The following ADAMTS12 variants were observed in gnomAD, a reference collection of about 807,000 sequenced individuals.
ADAMTS12 encodes the protein ADAM metallopeptidase with thrombospondin type 1 motif 12.
In ADAMTS12, 118 loss-of-function variants were observed where a neutral mutation model predicts 167.8. That is an observed-to-expected ratio of 0.70 (90% CI 0.61 to 0.82). The LOEUF is 0.82. Among genes scored for constraint, ADAMTS12 ranks in the 40% least tolerant of loss-of-function variants. ADAMTS12 has a pLI of 0.00. For missense variants in ADAMTS12, 1,916 were observed against 1,998.8 expected (o/e 0.96, Z 0.79); for synonymous variants, 704 against 716.9 (o/e 0.98, Z 0.29).
intron 2 of ADAMTS12, among the ~76,000 whole-genome samples, chr5:33,849,782 T>C (rs1374547199): frequency 2.0e-5 from 3 of 150,118 alleles, no homozygotes; most frequent in Non-Finnish European, 3.0e-5. Context: ...CATAGCAATA[T>C]ATAGTATCTA....
chr5:33,620,113 G>T (rs753952852), intron 14 of ADAMTS12, among the ~76,000 whole-genome samples: 2 of 152,210 alleles, frequency 1.3e-5, no homozygotes, highest in African/African-American at 2.4e-5. Context: ...AAAAGTGCAA[G>T]GTCTTTGTAC....
chr5:33,701,419 C>T (rs1301504863), intron 3 of ADAMTS12, among the ~76,000 whole-genome samples: 1 of 152,172 alleles, frequency 6.6e-6, no homozygotes, highest in African/African-American at 2.4e-5. Flanking sequence ...CTGCACTCAT[C>T]ATAGACTGCC....
At chr5:33,687,823 C>T (rs1742391206) in intron 3 of ADAMTS12, among the ~76,000 whole-genome samples, 1 of 152,016 alleles carries the variant, frequency 6.6e-6, no homozygotes, top group African/African-American at 2.4e-5. Flanking sequence ...AAGAAACCAG[C>T]CCTACACATT....
chr5:33,869,371 G>T (rs1470059006), intron 2 of ADAMTS12, among the ~76,000 whole-genome samples: 1 of 152,098 alleles, frequency 6.6e-6, no homozygotes, highest in Non-Finnish European at 1.5e-5. Context: ...GTATGAAAAT[G>T]CCTGGATGTC....
chr5:33,676,697 C>CACAG (rs1741919600), intron 5 of ADAMTS12, among the ~76,000 whole-genome samples: 1 of 150,152 alleles, frequency 6.7e-6, no homozygotes, highest in Non-Finnish European at 1.5e-5. Flanking sequence ...CACACACACA[C>CACAG]ACACACACAC....
At chr5:33,740,473 G>A (rs1744527318) in intron 3 of ADAMTS12, among the ~76,000 whole-genome samples, 1 of 152,188 alleles carries the variant, frequency 6.6e-6, no homozygotes, top group Non-Finnish European at 1.5e-5. Context: ...CACCACAGAT[G>A]GGTGGTTCCC....
chr5:33,848,330 T>C (rs925082950), intron 2 of ADAMTS12, among the ~76,000 whole-genome samples: 3 of 151,922 alleles, frequency 2.0e-5, no homozygotes, highest in African/African-American at 7.3e-5. Flanking sequence ...GAAGTGCCAG[T>C]TGTCACCCAA....
At chr5:33,854,066 C>A (rs1164539317) in intron 2 of ADAMTS12, among the ~76,000 whole-genome samples, 1 of 152,198 alleles carries the variant, frequency 6.6e-6, no homozygotes, top group African/African-American at 2.4e-5. Flanking sequence ...CAAGCCTCCA[C>A]ATGGGTTGTC....
chr5:33,821,451 T>C (rs1460248269), intron 2 of ADAMTS12, among the ~76,000 whole-genome samples: 1 of 152,162 alleles, frequency 6.6e-6, no homozygotes. Flanking sequence ...GTTGTAATCA[T>C]CCCAGTCACT....
intron 13 of ADAMTS12, among the ~76,000 whole-genome samples, chr5:33,626,376 GGGGGTGA>G (rs1739601970): frequency 6.6e-6 from 1 of 150,660 alleles, no homozygotes; most frequent in African/African-American, 2.5e-5. Flanking sequence ...TGGTGGTGAT[GGGGGTGA>G]TGGTAGTGGT....
At chr5:33,685,499 G>A (rs1742290800) in intron 3 of ADAMTS12, among the ~76,000 whole-genome samples, 1 of 152,162 alleles carries the variant, frequency 6.6e-6, no homozygotes, top group Admixed American at 6.5e-5. Context: ...TGATTTGTGT[G>A]TAACCCTTCC....
At chr5:33,613,371 C>T (rs762213430) in intron 16 of ADAMTS12, among the ~76,000 whole-genome samples, 6 of 152,232 alleles carry the variant, frequency 3.9e-5, no homozygotes, top group African/African-American at 9.6e-5. Flanking sequence ...TCATCCAGCA[C>T]TGCAGCAGAG....
chr5:33,873,986 A>C (rs1167998785), intron 2 of ADAMTS12, among the ~76,000 whole-genome samples: 1 of 152,218 alleles, frequency 6.6e-6, no homozygotes, highest in Non-Finnish European at 1.5e-5. Context: ...GAGATAATAC[A>C]GGAGAAAAAT....
intron 17 of ADAMTS12, among the ~76,000 whole-genome samples, chr5:33,594,707 A>G (rs1256662018): frequency 6.6e-6 from 1 of 152,172 alleles, no homozygotes; most frequent in African/African-American, 2.4e-5. Flanking sequence ...TCCTGCTTCA[A>G]TAGTGGTGGG....
chr5:33,881,566 T>C (rs74696699), intron 1 of ADAMTS12, 86 bp from the exon 2 acceptor site: 2 of 1,236,036 alleles, frequency 1.6e-6, no homozygotes, highest in Non-Finnish European at 2.2e-6. Flanking sequence ...AATGCTAGCT[T>C]TTTTTTTTTT....
In ADAMTS12 at chr5:33,564,819, C is replaced by T. The variant is rs999055606; in HGVS notation, c.3973-3640G>A. ...TGTTGTAACAAACAAAAGCATCCTCCTTCATCTGTAAATTCCTCCTACCAT... is the reference window on the plus strand; with the variant it reads ...TGTTGTAACAAACAAAAGCATCCTCTTTCATCTGTAAATTCCTCCTACCAT... On this transcript the variant is annotated intron_variant, in intron 19 of 23. Transcript: ENST00000504830. Among the ~76,000 whole-genome samples, 5 of 152,232 alleles carry T rather than the reference C, an allele frequency of 3.3e-5. 1 individual carries two copies. The highest frequency in any genetic ancestry group is 1.2e-4 in the African/African-American group (5 of 41,460).
chr5:33,620,884 G>A (rs968337750), intron 14 of ADAMTS12, among the ~76,000 whole-genome samples: 4 of 152,072 alleles, frequency 2.6e-5, no homozygotes, highest in Non-Finnish European at 5.9e-5. Context: ...ATACTAAGTG[G>A]ACTCATTTGG....
Position 33,576,175 on chromosome 5 carries a change from A to G in ADAMTS12, c.3851T>C (p.Val1284Ala). 6.2e-7 allele frequency: 1 copy of G among 1,614,116 alleles called. No homozygotes were observed. The highest frequency in any genetic ancestry group is 1.1e-5 in the South Asian group (1 of 91,076). The change falls in exon 19 of 24, where the codon GTC becomes GCC. Residue 1284 changes from valine (V) to alanine (A), a missense_variant. Val to Ala is a moderately conservative substitution (Grantham distance 64). Transcript: ENST00000504830. Reference sequence around the variant, plus strand: ...ACTTGTTGCATCCTCCTCAGTCAGGACTGGTTCAGAACTTTTTGTTTGGTT... The same window carrying G: ...ACTTGTTGCATCCTCCTCAGTCAGGGCTGGTTCAGAACTTTTTGTTTGGTT... ...NMNQTKSSEP[V>A]LTEEDATSLI...
At chr5:33,535,127 T>C (rs1744318274) in intron 22 of ADAMTS12, 135 bp from the exon 23 acceptor site, 2 of 840,394 alleles carry the variant, frequency 2.4e-6, no homozygotes, top group African/African-American at 3.5e-5. Flanking sequence ...GGAGGAGTCA[T>C]AGAATAAAGG....
Sources: allele counts gnomAD v4.1 joint callset (sites outside exome capture counted in the v4.1 genomes callset), GRCh38; gene constraint gnomAD v4.1.1; transcripts MANE v1.5; gene names NCBI Gene and HGNC (gene_info 2026-07-23, HGNC 2026-07-21).